Variants in CAPRIN2 observed in about 807,000 individuals in gnomAD.
CAPRIN2 encodes caprin family member 2, also known as caprin-2.
A neutral mutation model predicts 130.4 loss-of-function variants in CAPRIN2; 66 were observed. That is an observed-to-expected ratio of 0.51 (90% CI 0.42 to 0.62). The LOEUF (loss-of-function observed/expected upper bound fraction) is 0.62. Ranked by LOEUF, CAPRIN2 falls within the 20% of genes least tolerant of loss-of-function variation. CAPRIN2 has a pLI of 0.00. For missense variants in CAPRIN2, 1,185 were observed against 1,246.6 expected, an observed-to-expected ratio of 0.95 and a Z score of 0.74; for synonymous variants, 471 against 444.1, an observed-to-expected ratio of 1.06 and a Z score of -0.76.
chr12:30,715,263 C>T (rs1208333878), intron 13 of CAPRIN2, 122 bp from the exon 16 acceptor site: 8 of 715,840 alleles, frequency 1.1e-5, no homozygotes, highest in African/African-American at 1.8e-5. Flanking sequence ...ATAGGAGATA[C>T]ATATATTCAT....
intron 8 of CAPRIN2, among the ~76,000 whole-genome samples, chr12:30,727,505 A>G (rs1592084013): frequency 6.6e-6 from 1 of 152,284 alleles, no homozygotes; most frequent in East Asian, 1.9e-4. Flanking sequence ...AAGGAAGACT[A>G]CTCCATAGAG....
At chr12:30,742,051 T>G (rs1306780732) in intron 2 of CAPRIN2, among the ~76,000 whole-genome samples, 3 of 152,120 alleles carry the variant, frequency 2.0e-5, no homozygotes, top group African/African-American at 7.2e-5. Context: ...AGAAGACTAT[T>G]TTATGTGAAA....
At chr12:30,713,731 G>T in intron 15 of CAPRIN2, 54 bp downstream of exon 17, 5 of 1,040,884 alleles carry the variant, frequency 4.8e-6, no homozygotes, top group Non-Finnish European at 7.4e-6. Context: ...TCAATCACCA[G>T]CTTAACATCA....
At position 30,753,573 on chromosome 12, in the gene CAPRIN2, G is replaced by A; in HGVS notation, c.191C>T (p.Pro64Leu). The A allele has an allele frequency of 6.2e-7, 1 of 1,614,146 alleles. No homozygotes were observed. Among genetic ancestry groups the A allele is most frequent in the Non-Finnish European group, 8.5e-7 (1 of 1,180,036 alleles). The change falls in exon 1 of 17, where the codon CCT becomes CTT. Residue 64 changes from proline to leucine, a missense_variant. This residue lies in a region of CAPRIN2 where 1,104 missense variants were observed against 1,104.3 expected (regional missense o/e 1.00). Coordinates refer to ENST00000298892, the Ensembl canonical transcript of CAPRIN2. ...GCCTGAAGGTGACTGGTAACCAAAA[G>A]GGGATGAAAAGAGTTGCACCATTGA...
intron 13 of CAPRIN2, chr12:30,715,377 A>G (rs2057167989): frequency 2.0e-5 from 12 of 604,238 alleles, no homozygotes; most frequent in Non-Finnish European, 2.1e-5. Context: ...TACAACATGA[A>G]TGAACCCTTA....
At chr12:30,745,968 T>C (rs1214507411) in intron 2 of CAPRIN2, among the ~76,000 whole-genome samples, 1 of 152,170 alleles carries the variant, frequency 6.6e-6, no homozygotes, top group Non-Finnish European at 1.5e-5. Flanking sequence ...TAAAAACTGA[T>C]GCCAAAAGAA....
chr12:30,714,167 T>G (rs1357567882), intron 14 of CAPRIN2, among the ~76,000 whole-genome samples: 2 of 152,040 alleles, frequency 1.3e-5, no homozygotes, highest in Non-Finnish European at 2.9e-5. Flanking sequence ...AGGGCCTCTG[T>G]CTAGGGTTGT....
chr12:30,718,145 G>A (rs147007130), intron 12 of CAPRIN2, among the ~76,000 whole-genome samples: 1 of 152,316 alleles, frequency 6.6e-6, no homozygotes, highest in Non-Finnish European at 1.5e-5. Flanking sequence ...ACTTGAAAAG[G>A]TACTGAGTGT....
At chr12:30,743,309 T>C (rs2068387619) in intron 2 of CAPRIN2, among the ~76,000 whole-genome samples, 1 of 152,196 alleles carries the variant, frequency 6.6e-6, no homozygotes, top group African/African-American at 2.4e-5. Flanking sequence ...AGTTCTTCTG[T>C]GACAACTACT....
In CAPRIN2 at chr12:30,735,043, T is replaced by C. The variant is rs143885257; in HGVS notation, c.734A>G (p.Tyr245Cys). 2.1e-4 allele frequency: 335 copies of C among 1,614,172 alleles called. No individual in the cohort carries two copies. In the East Asian group the frequency reaches 6.4e-3, roughly 31 times the overall value. Reference sequence around the variant, plus strand: ...GTAGTCAAGTTCTTTTGAAGGCAAATACACTGCACCATTCAAACCCCCTTT... The same window carrying C: ...GTAGTCAAGTTCTTTTGAAGGCAAACACACTGCACCATTCAAACCCCCTTT... Residue 245 changes from tyrosine to cysteine, a missense_variant, in exon 4 of 17, where the codon TAT (tyrosine) becomes TGT (cysteine). By Grantham distance (194) the Tyr-to-Cys change is radical (BLOSUM62 -2). Coordinates refer to ENST00000298892, the Ensembl canonical transcript of CAPRIN2.
intron 9 of CAPRIN2, 148 bp downstream of exon 10, chr12:30,725,818 G>A (rs1285744386): frequency 2.0e-6 from 1 of 501,152 alleles, no homozygotes; most frequent in African/African-American, 2.0e-5. Context: ...GCAGAATCAA[G>A]TAATTTGCCT....
At chr12:30,727,717 T>G (rs566579430) in intron 8 of CAPRIN2, among the ~76,000 whole-genome samples, 1 of 152,358 alleles carries the variant, frequency 6.6e-6, no homozygotes, top group African/African-American at 2.4e-5. Flanking sequence ...GCCTTATGTT[T>G]TAACTGAATC....
chr12:30,713,956 T>C (rs1303028734), intron 14 of CAPRIN2, 71 bp from the exon 17 acceptor site: 2 of 837,864 alleles, frequency 2.4e-6, no homozygotes, highest in African/African-American at 1.7e-5. Flanking sequence ...TCTAATTCTA[T>C]ATTGCTTTAA....
intron 2 of CAPRIN2, among the ~76,000 whole-genome samples, chr12:30,746,732 CAGAAGAAA>C (rs562804665): frequency 2.3e-3 from 357 of 152,236 alleles, no homozygotes; most frequent in Non-Finnish European, 3.5e-3. Flanking sequence ...GAGGAAGCTG[CAGAAGAAA>C]AGTTGGGAGC....
rs1419101173 is a variant in CAPRIN2 at position 30,716,339 on chromosome 12, C to T, written c.2317+169G>A. On this transcript the variant is annotated intron_variant, in intron 13 of 16. Coordinates refer to ENST00000298892, the Ensembl canonical transcript of CAPRIN2. ...AATTAAAATTAATAGGTAAACTTAA[C>T]ACAAAAAAGGGCATTAGGTTTTTCT... 41 of 575,078 alleles carry T rather than the reference C, an allele frequency of 7.1e-5. No homozygotes were observed. The South Asian group carries it at 9.0e-4, about 13-fold the overall frequency. 35.6% of individuals were successfully genotyped at this position (575,078 alleles called of 1,614,324 possible).
chr12:30,754,501 C>G (rs1247823884), exon 1 of CAPRIN2: 1 of 152,612 alleles, frequency 6.6e-6, no homozygotes, highest in Admixed American at 6.5e-5. Context: ...ACGGAGAGCC[C>G]TGCAGGCACC....
intron 8 of CAPRIN2, 78 bp from the exon 10 acceptor site, chr12:30,726,166 T>A (rs1051863180): frequency 8.3e-7 from 1 of 1,201,982 alleles, no homozygotes; most frequent in Non-Finnish European, 1.1e-6. Context: ...TATCACTACA[T>A]CTTAAAGGAA....
At chr12:30,736,408 A>C (rs2064830068) in intron 3 of CAPRIN2, among the ~76,000 whole-genome samples, 1 of 151,950 alleles carries the variant, frequency 6.6e-6, no homozygotes, top group Admixed American at 6.5e-5. Context: ...AAAAAAAAAA[A>C]AACCACTAAG....
At chr12:30,740,444 A>ATAT (rs1173867702) in intron 3 of CAPRIN2, among the ~76,000 whole-genome samples, 4 of 152,110 alleles carry the variant, frequency 2.6e-5, no homozygotes, top group Middle Eastern at 3.2e-3. Flanking sequence ...AAAGTAAAGA[A>ATAT]TACTTCACTG....
Sources: allele counts gnomAD v4.1 joint callset (sites outside exome capture counted in the v4.1 genomes callset), GRCh38; gene constraint gnomAD v4.1.1; regional missense constraint gnomAD v4.1.1; transcripts MANE v1.5; gene names NCBI Gene and HGNC (gene_info 2026-07-23, HGNC 2026-07-21).